ANKRD6: variants seen among roughly 807,000 people sequenced by gnomAD.
The protein encoded by ANKRD6 is ankyrin repeat domain-containing protein 6.
In ANKRD6, 56 loss-of-function variants were observed where a neutral mutation model predicts 82.3. The observed-to-expected ratio is 0.68, with a 90% CI of 0.55 to 0.85. The LOEUF is 0.85. Among genes scored for constraint, ANKRD6 ranks in the 40% least tolerant of loss-of-function variants. ANKRD6 has a pLI of 0.00. For missense variants in ANKRD6, 852 were observed against 907.6 expected (o/e 0.94, Z 0.79); for synonymous variants, 347 against 352.1 (o/e 0.99, Z 0.16).
chr6:89,592,390 G>T (rs573710789), intron 2 of ANKRD6, among the ~76,000 whole-genome samples: 2 of 152,254 alleles, frequency 1.3e-5, no homozygotes, highest in African/African-American at 4.8e-5. Context: ...GGCAGTGGAG[G>T]TTATTCCTAT....
intron 1 of ANKRD6, among the ~76,000 whole-genome samples, chr6:89,506,523 C>G (rs776380356): frequency 6.6e-6 from 1 of 152,138 alleles, no homozygotes; most frequent in East Asian, 1.9e-4. Context: ...CCATGTTGGC[C>G]GGGCTGCTCT....
chr6:89,472,821 A>C (rs1582791987), intron 1 of ANKRD6, among the ~76,000 whole-genome samples: 1 of 152,164 alleles, frequency 6.6e-6, no homozygotes, highest in East Asian at 1.9e-4. Context: ...GTGGCTAGGA[A>C]GAGCCCCAGA....
At chr6:89,483,056 T>G (rs1038963950) in intron 1 of ANKRD6, among the ~76,000 whole-genome samples, 40 of 152,322 alleles carry the variant, frequency 2.6e-4, no homozygotes, top group African/African-American at 9.4e-4. Flanking sequence ...GTAACATGCT[T>G]CTCTGAAATG....
intron 1 of ANKRD6, among the ~76,000 whole-genome samples, chr6:89,482,735 A>G (rs1290526297): frequency 2.0e-5 from 3 of 151,756 alleles, no homozygotes; most frequent in Non-Finnish European, 2.9e-5. Flanking sequence ...GAATAAATCT[A>G]CTCTTTGTAT....
At chr6:89,511,544 A>G (rs1278314589) in intron 1 of ANKRD6, among the ~76,000 whole-genome samples, 2 of 152,220 alleles carry the variant, frequency 1.3e-5, no homozygotes, top group Non-Finnish European at 2.9e-5. Context: ...TTAGCTGTGA[A>G]TCTCCAGGTG....
In ANKRD6 at chr6:89,624,532, C is replaced by G. The variant is rs1314553922; in HGVS notation, c.1219-7C>G. On this transcript the variant is annotated splice_polypyrimidine_tract_variant and splice_region_variant and intron_variant, in intron 12 of 15. Coordinates refer to ENST00000339746, the MANE Select transcript of ANKRD6 (RefSeq NM_001242809.2). Reference sequence around the variant, plus strand: ...AGGGATTGATTCCTTTTTTGTTTCTCTCTTAGGCACCAATAAATGGTTGTC... The same window carrying G: ...AGGGATTGATTCCTTTTTTGTTTCTGTCTTAGGCACCAATAAATGGTTGTC... The G allele has an allele frequency of 1.9e-6, 3 of 1,549,422 alleles. No homozygotes were observed. The highest frequency in any genetic ancestry group is 2.4e-5 in the East Asian group (1 of 40,912).
At chr6:89,450,660 A>AG (rs927910511) in intron 1 of ANKRD6, among the ~76,000 whole-genome samples, 12 of 151,678 alleles carry the variant, frequency 7.9e-5, no homozygotes, top group African/African-American at 2.9e-4. Flanking sequence ...TAGGACTACA[A>AG]GTCTGCACCA....
intron 1 of ANKRD6, among the ~76,000 whole-genome samples, chr6:89,459,343 G>T (rs1271992989): frequency 1.3e-5 from 2 of 152,284 alleles, no homozygotes; most frequent in South Asian, 4.1e-4. Flanking sequence ...CTCCCAAAGT[G>T]TTGGGATTAC....
chr6:89,466,275 A>G (rs993405161), intron 1 of ANKRD6, among the ~76,000 whole-genome samples: 5 of 152,184 alleles, frequency 3.3e-5, no homozygotes, highest in African/African-American at 1.2e-4. Context: ...TTTTATTTTT[A>G]TATGTAATGC....
At chr6:89,501,648 G>A (rs74846704) in intron 1 of ANKRD6, among the ~76,000 whole-genome samples, 356 of 152,262 alleles carry the variant, frequency 2.3e-3, no homozygotes, top group Admixed American at 4.6e-3. Context: ...TTGCATTAAA[G>A]AAAACTACTT....
At chr6:89,586,730 AG>A (rs1793772460) in intron 2 of ANKRD6, among the ~76,000 whole-genome samples, 1 of 151,972 alleles carries the variant, frequency 6.6e-6, no homozygotes, top group Admixed American at 6.6e-5. Flanking sequence ...ACCTGTGAGG[AG>A]TGTGTGGGCC....
intron 2 of ANKRD6, among the ~76,000 whole-genome samples, chr6:89,594,353 A>G (rs2128148550): frequency 6.6e-6 from 1 of 152,218 alleles, no homozygotes; most frequent in Admixed American, 6.5e-5. Flanking sequence ...TACTCAGGAC[A>G]CTGAGGTGGG....
intron 1 of ANKRD6, among the ~76,000 whole-genome samples, chr6:89,474,685 G>T (rs1775849005): frequency 6.6e-6 from 1 of 152,156 alleles, no homozygotes; most frequent in Non-Finnish European, 1.5e-5. Flanking sequence ...CCAAAGTGCT[G>T]GGATTACAGG....
intron 5 of ANKRD6, among the ~76,000 whole-genome samples, chr6:89,606,629 G>A (rs1798685047): frequency 6.6e-6 from 1 of 152,318 alleles, no homozygotes; most frequent in African/African-American, 2.4e-5. Flanking sequence ...GCTGAGGTGG[G>A]TGGATCACCT....
chr6:89,498,956 C>T (rs908459041), intron 1 of ANKRD6, among the ~76,000 whole-genome samples: 1 of 152,156 alleles, frequency 6.6e-6, no homozygotes, highest in African/African-American at 2.4e-5. Flanking sequence ...CCCAACCACT[C>T]TCTCACTTGC....
chr6:89,485,483 A>G (rs1777260900), intron 1 of ANKRD6, among the ~76,000 whole-genome samples: 1 of 152,138 alleles, frequency 6.6e-6, no homozygotes, highest in South Asian at 2.1e-4. Context: ...TCTTTCCTCA[A>G]AGGGAAGCAG....
intron 1 of ANKRD6, among the ~76,000 whole-genome samples, chr6:89,540,378 A>G (rs1052892559): frequency 6.6e-6 from 1 of 152,192 alleles, no homozygotes; most frequent in Non-Finnish European, 1.5e-5. Context: ...TTCTCTGATC[A>G]GTGATGTTGA....
intron 2 of ANKRD6, among the ~76,000 whole-genome samples, chr6:89,580,385 A>G (rs1201171634): frequency 6.6e-6 from 1 of 152,150 alleles, no homozygotes; most frequent in Admixed American, 6.5e-5. Flanking sequence ...ACTTTTAAAA[A>G]GAGAAATGCA....
intron 5 of ANKRD6, among the ~76,000 whole-genome samples, chr6:89,609,408 T>C (rs1476679137): frequency 6.6e-6 from 1 of 152,016 alleles, no homozygotes; most frequent in Non-Finnish European, 1.5e-5. Flanking sequence ...TTCAAGCGAT[T>C]CTCCTGCCTC....
Sources: gnomAD v4.1 joint callset for allele counts (sites outside exome capture counted in the v4.1 genomes callset) on GRCh38, gnomAD v4.1.1 for gene constraint, MANE v1.5 for transcripts, NCBI Gene and HGNC (gene_info 2026-07-23, HGNC 2026-07-21) for gene names.